Variants in QPCT observed in about 807,000 individuals in gnomAD.
The protein encoded by QPCT is glutaminyl-peptide cyclotransferase.
In QPCT, 44 loss-of-function variants were observed where a neutral mutation model predicts 43.4. That is an observed-to-expected ratio of 1.01 (90% confidence interval 0.80 to 1.30). The LOEUF (loss-of-function observed/expected upper bound fraction) is 1.30. Among genes scored for constraint, QPCT ranks in the 50% most tolerant of loss-of-function variants. QPCT has a pLI of 0.00. For missense variants in QPCT, 526 were observed against 436.5 expected, an observed-to-expected ratio of 1.21 and a Z score of -1.83; for synonymous variants, 168 against 168.4, an observed-to-expected ratio of 1.00 and a Z score of 0.02.
chr2:37,362,168 A>G (rs1171709375), intron 3 of QPCT, among the ~76,000 whole-genome samples: 1 of 152,210 alleles, frequency 6.6e-6, no homozygotes, highest in Non-Finnish European at 1.5e-5. Context: ...AGCCTGCAAG[A>G]GATAAAAACT....
chr2:37,372,759 G>A lies in QPCT; in HGVS notation c.1018G>A (p.Asp340Asn), dbSNP rs1673106974. 6.2e-7 allele frequency: 1 copy of A among 1,613,050 alleles called. No individual in the cohort carries two copies. The highest frequency in any genetic ancestry group is 8.5e-7 in the Non-Finnish European group (1 of 1,179,334). Residue 340 changes from aspartate (D) to asparagine (N), a missense_variant, in exon 7 of 7, where the codon GAT (aspartate) becomes AAT (asparagine). By Grantham distance (23) the Asp-to-Asn change is conservative. Transcript: ENST00000338415. The stretch of plus-strand genomic sequence containing the variant: ...CATGGATGACAATGAAGAAAATTTG[G>A]ATGAATCAACCATTGACAATCTAAA... ...HTMDDNEENLDESTIDNLNKI... is the reference protein window; with the variant it reads ...HTMDDNEENLNESTIDNLNKI...
chr2:37,369,103 A>G (rs550223531), intron 4 of QPCT, among the ~76,000 whole-genome samples: 100 of 152,314 alleles, frequency 6.6e-4, no homozygotes, highest in Middle Eastern at 3.4e-3. Flanking sequence ...AGTCCTCGTG[A>G]TGAGATGAAA....
intron 1 of QPCT, among the ~76,000 whole-genome samples, chr2:37,345,801 G>T (rs1044407387): frequency 1.0e-4 from 14 of 140,324 alleles, no homozygotes; most frequent in Admixed American, 7.7e-4. Context: ...GCGCCACTGC[G>T]CTCCAACCTG....
chr2:37,370,612 G>C (rs1224521462), intron 5 of QPCT, among the ~76,000 whole-genome samples: 1 of 151,924 alleles, frequency 6.6e-6, no homozygotes, highest in Non-Finnish European at 1.5e-5. Flanking sequence ...TACAGTCTCT[G>C]CCAATTTTCC....
rs751289107 is a variant in QPCT, at chr2:37,344,788, G to A, written c.57G>A (p.Val19=). The A allele has an allele frequency of 1.9e-6, 3 of 1,610,108 alleles. No individual in the cohort carries two copies. Among genetic ancestry groups the A allele is most frequent in the Non-Finnish European group, 8.5e-7 (1 of 1,178,878 alleles). Residue 19 remains valine, a synonymous_variant, in exon 1 of 7, where the codon GTG becomes GTA. Transcript: ENST00000338415. Reference sequence around the variant, plus strand: ...GCACCCTCCACCTGCTGCTGCTGGTGGCCGCCCTGCCCTGGGCATCCAGGG... The same window carrying A: ...GCACCCTCCACCTGCTGCTGCTGGTAGCCGCCCTGCCCTGGGCATCCAGGG... The part of the protein sequence containing the change: ...VVGTLHLLLL[V]AALPWASRGV...
At chr2:37,360,078 T>C (rs1321830419) in intron 3 of QPCT, 5 of 555,412 alleles carry the variant, frequency 9.0e-6, no homozygotes, top group Non-Finnish European at 1.6e-5. Flanking sequence ...TGGCACCTGA[T>C]TTATCAGCCT....
chr2:37,348,235 G>A (rs1397406032), intron 1 of QPCT, among the ~76,000 whole-genome samples: 4 of 152,160 alleles, frequency 2.6e-5, no homozygotes, highest in African/African-American at 9.7e-5. Context: ...AGTATCATGA[G>A]ATCCATTTTA....
rs116706932 is a variant in QPCT at position 37,366,241 on chromosome 2, G to A, written c.547-991G>A. 8.8e-3 allele frequency among the ~76,000 whole-genome samples: 1,338 copies of A among 152,262 alleles called. 9 individuals are homozygous for A. The highest frequency in any genetic ancestry group is 0.014 in the Middle Eastern group (4 of 294). On this transcript the variant is annotated intron_variant, in intron 3 of 6. Coordinates refer to ENST00000338415, the MANE Select transcript of QPCT (RefSeq NM_012413.4). Reference sequence around the variant, plus strand: ...TGAAAGACAGGGGTTATTGTCAGACGGAGGAAAGTGTAAAATCAGTTAGAA... The same window carrying A: ...TGAAAGACAGGGGTTATTGTCAGACAGAGGAAAGTGTAAAATCAGTTAGAA...
chr2:37,361,385 C>T (rs143616299), intron 3 of QPCT, among the ~76,000 whole-genome samples: 12 of 152,318 alleles, frequency 7.9e-5, no homozygotes, highest in Admixed American at 7.2e-4. Flanking sequence ...ACATCCACAT[C>T]CTTTGCCTGG....
intron 2 of QPCT, among the ~76,000 whole-genome samples, chr2:37,357,563 TA>T (rs1482597202): frequency 2.0e-5 from 3 of 152,212 alleles, no homozygotes; most frequent in Non-Finnish European, 4.4e-5. Context: ...AAAAAGGTTA[TA>T]AACATTTCTT....
chr2:37,360,919 A>G (rs1672847360), intron 3 of QPCT, among the ~76,000 whole-genome samples: 1 of 152,228 alleles, frequency 6.6e-6, no homozygotes. Context: ...TAGTATAAGG[A>G]CACAAAATGA....
At chr2:37,364,266 AG>A (rs1289143897) in intron 3 of QPCT, among the ~76,000 whole-genome samples, 1 of 152,344 alleles carries the variant, frequency 6.6e-6, no homozygotes, top group African/African-American at 2.4e-5. Context: ...AAAGAAATCA[AG>A]GATGAGGGAG....
At chr2:37,353,258 G>A (rs142729605) in intron 2 of QPCT, among the ~76,000 whole-genome samples, 3 of 152,148 alleles carry the variant, frequency 2.0e-5, no homozygotes, top group African/African-American at 7.2e-5. Context: ...ACAGCAACAG[G>A]CTTAGGGAGT....
At chr2:37,350,130 G>A (rs192884162) in intron 1 of QPCT, among the ~76,000 whole-genome samples, 1 of 152,278 alleles carries the variant, frequency 6.6e-6, no homozygotes, top group East Asian at 1.9e-4. Flanking sequence ...GCCAGGTGAA[G>A]AGGAGGGGAA....
At chr2:37,350,142 C>T (rs1227740691) in intron 1 of QPCT, among the ~76,000 whole-genome samples, 1 of 152,102 alleles carries the variant, frequency 6.6e-6, no homozygotes, top group African/African-American at 2.4e-5. Context: ...GGAGGGGAAA[C>T]AGCTTGTAAG....
At chr2:37,354,148 G>A (rs990750742) in intron 2 of QPCT, among the ~76,000 whole-genome samples, 1 of 152,212 alleles carries the variant, frequency 6.6e-6, no homozygotes, top group Non-Finnish European at 1.5e-5. Flanking sequence ...ACAGGCGTGA[G>A]CCACCGCGTC....
At chr2:37,372,295 C>T (rs913683596) in intron 5 of QPCT, 61 bp from the exon 6 acceptor site, 2 of 1,167,902 alleles carry the variant, frequency 1.7e-6, no homozygotes, top group African/African-American at 3.0e-5. Flanking sequence ...AATAAGGATA[C>T]ATTATGAGTC....
At chr2:37,347,153 T>TATATATATATATATATATCTC (rs1411776943) in intron 1 of QPCT, among the ~76,000 whole-genome samples, 4 of 57,110 alleles carry the variant, frequency 7.0e-5, no homozygotes, top group African/African-American at 3.6e-4. Flanking sequence ...TTTATATATA[T>TATATATATATATATATATCTC]ATATATATAT....
In QPCT at chr2:37,372,869, T is replaced by A; in HGVS notation, c.*42T>A. 2 of 1,524,242 alleles carry A rather than the reference T, an allele frequency of 1.3e-6. No individual in the cohort carries two copies. The highest frequency in any genetic ancestry group is 1.8e-6 in the Non-Finnish European group (2 of 1,120,922). The allele number at this position is 1,524,242 out of a possible 1,614,324, so 94.4% of individuals were successfully genotyped here. A position where few individuals can be genotyped will look rare whatever the true frequency, so the allele number is the denominator to read the frequency against. ...AGGATAATTGGTTCTAGAATTGAAT[T>A]CAAAAGTCAAGGCATCATTTAAAAT... On this transcript the variant is annotated 3_prime_UTR_variant, in exon 7 of 7. Transcript: ENST00000338415.
Sources: gnomAD v4.1 joint callset for allele counts (sites outside exome capture counted in the v4.1 genomes callset) on GRCh38, gnomAD v4.1.1 for gene constraint, MANE v1.5 for transcripts, NCBI Gene and HGNC (gene_info 2026-07-23, HGNC 2026-07-21) for gene names.